G6PC2: variants seen among roughly 807,000 people sequenced by gnomAD.
G6PC2 encodes glucose-6-phosphatase catalytic subunit 2, also known as glucose-6-phosphatase 2.
G6PC2 carries 41 observed loss-of-function variants against 35.4 expected under a neutral mutation model. That is an observed-to-expected ratio of 1.16 (90% CI 0.90 to 1.50). G6PC2 has a LOEUF of 1.50. Among genes scored for constraint, G6PC2 ranks in the 40% most tolerant of loss-of-function variants. The pLI is 0.00. For missense variants in G6PC2, 441 were observed against 426.5 expected, an observed-to-expected ratio of 1.03 and a Z score of -0.30; for synonymous variants, 165 against 153.2, an observed-to-expected ratio of 1.08 and a Z score of -0.57.
At position 168,906,797 on chromosome 2, in the gene G6PC2, CCT is replaced by C; in HGVS notation, c.556+19_556+20del. The stretch of plus-strand genomic sequence containing the variant: ...AATTGGTGGTAAATATGATCACTTA[CCT>C]TTAGCTGTGTCCTTTGAAAGCTTTA... On this transcript the variant is annotated intron_variant, in intron 4 of 4. Coordinates refer to ENST00000375363, the MANE Select transcript of G6PC2 (RefSeq NM_021176.3). The C allele has an allele frequency of 8.9e-7, 1 of 1,128,362 alleles. No homozygotes were observed. The highest frequency in any genetic ancestry group is 1.4e-6 in the Non-Finnish European group (1 of 735,902). The allele number at this position is 1,128,362 out of a possible 1,614,324, so 69.9% of individuals were successfully genotyped here. A position where few individuals can be genotyped will look rare whatever the true frequency, so the allele number is the denominator to read the frequency against.
In G6PC2 at chr2:168,908,352, G is replaced by T; in HGVS notation, c.*273G>T. ...CTGATAGTATGACAACACAGAGCCTGCATCCCCAGCTGGAGACAACTGACC... is the reference window on the plus strand; with the variant it reads ...CTGATAGTATGACAACACAGAGCCTTCATCCCCAGCTGGAGACAACTGACC... On this transcript the variant is annotated 3_prime_UTR_variant, in exon 5 of 5. Transcript: ENST00000375363. 1 of 514,126 alleles carries T rather than the reference G, an allele frequency of 1.9e-6. No individual in the cohort carries two copies. Among genetic ancestry groups the T allele is most frequent in the Non-Finnish European group, 3.5e-6 (1 of 286,072 alleles). The allele number at this position is 514,126 out of a possible 1,614,324, so 31.8% of individuals were successfully genotyped here.
At chr2:168,902,267 C>T (rs956972068) in intron 1 of G6PC2, among the ~76,000 whole-genome samples, 178 bp from the exon 2 acceptor site, 1 of 152,236 alleles carries the variant, frequency 6.6e-6, no homozygotes, top group East Asian at 1.9e-4. Context: ...AAATGGCTAC[C>T]ACCTTTAATA....
At chr2:168,902,095 T>C (rs1190417063) in intron 1 of G6PC2, among the ~76,000 whole-genome samples, 2 of 152,202 alleles carry the variant, frequency 1.3e-5, no homozygotes, top group Non-Finnish European at 2.9e-5. Flanking sequence ...ACATATTCTG[T>C]GATTAAGAAT....
intron 2 of G6PC2, among the ~76,000 whole-genome samples, chr2:168,902,764 A>G (rs568604262): frequency 9.9e-5 from 15 of 152,258 alleles, no homozygotes; most frequent in Non-Finnish European, 1.8e-4. Context: ...GAAAGGGTAG[A>G]TTGGGAGAAA....
At chr2:168,906,413 A>G (rs984232220) in intron 3 of G6PC2, among the ~76,000 whole-genome samples, 1 of 152,216 alleles carries the variant, frequency 6.6e-6, no homozygotes, top group Non-Finnish European at 1.5e-5. Flanking sequence ...TTCCTTTTTA[A>G]CATTTATTAA....
intron 4 of G6PC2, among the ~76,000 whole-genome samples, 173 bp downstream of exon 4, chr2:168,906,952 A>G (rs1470113215): frequency 3.3e-5 from 5 of 152,196 alleles, no homozygotes; most frequent in Non-Finnish European, 7.3e-5. Context: ...CACCTCTCAT[A>G]GCCTCCATGT....
At chr2:168,901,695 G>A (rs530633250) in intron 1 of G6PC2, 146 bp downstream of exon 1, 3 of 633,486 alleles carry the variant, frequency 4.7e-6, no homozygotes, top group South Asian at 3.6e-5. Flanking sequence ...AGATTCATAA[G>A]TAGAACTTTT....
At chr2:168,902,340 ACC>A (rs1690615444) in intron 1 of G6PC2, 103 bp from the exon 2 acceptor site, 4 of 696,084 alleles carry the variant, frequency 5.7e-6, no homozygotes. Flanking sequence ...TTCACAATTA[ACC>A]CTGCGCTTGA....
rs1012998032 is a variant in G6PC2 at position 168,902,351 on chromosome 2, G to A, written c.219-94G>A. Reference sequence around the variant, plus strand: ...AACTTTCACAATTAACCCTGCGCTTGAGTCATTTTTTATAGGAAAGAATTG... The same window carrying A: ...AACTTTCACAATTAACCCTGCGCTTAAGTCATTTTTTATAGGAAAGAATTG... On this transcript the variant is annotated intron_variant, in intron 1 of 4. Coordinates refer to ENST00000375363, the MANE Select transcript of G6PC2 (RefSeq NM_021176.3). 8 of 716,174 alleles carry A rather than the reference G, an allele frequency of 1.1e-5. No individual in the cohort carries two copies. In the African/African-American group the frequency reaches 1.4e-4, roughly 13 times the overall value. The allele number at this position is 716,174 out of a possible 1,614,324, so 44.4% of individuals were successfully genotyped here.
Position 168,901,541 on chromosome 2 carries a change from A to G in G6PC2, c.210A>G (p.Ile70Met), listed in dbSNP as rs1255331944. ...TCATTGGGGATTGGTTAAATCTTATATTTAAATGGTAAGATTTCTGTTTTA... is the reference window on the plus strand; with the variant it reads ...TCATTGGGGATTGGTTAAATCTTATGTTTAAATGGTAAGATTTCTGTTTTA... ...VAVIGDWLNL[I>M]FKWILFGHRP... Residue 70 changes from isoleucine to methionine, a missense_variant, in exon 1 of 5, where the codon ATA becomes ATG. Physicochemically the swap from Ile to Met is conservative, Grantham distance 10. Transcript: ENST00000375363. 6.9e-7 allele frequency: 1 copy of G among 1,451,962 alleles called. No individual in the cohort carries two copies. Among genetic ancestry groups the G allele is most frequent in the Non-Finnish European group, 9.7e-7 (1 of 1,032,796 alleles). The allele number at this position is 1,451,962 out of a possible 1,614,324, so 89.9% of individuals were successfully genotyped here.
intron 4 of G6PC2, among the ~76,000 whole-genome samples, chr2:168,907,057 C>T (rs1336798654): frequency 6.6e-6 from 1 of 152,178 alleles, no homozygotes; most frequent in Non-Finnish European, 1.5e-5. Flanking sequence ...ACTCCCAAAC[C>T]ATCACTTCAG....
rs932289410 is a variant in G6PC2, at chr2:168,904,380, A to G, written c.329-125A>G. The G allele has an allele frequency of 3.9e-6, 3 of 766,844 alleles. No homozygotes were observed. The Admixed American group carries it at 5.1e-5, about 13-fold the overall frequency. The allele number at this position is 766,844 out of a possible 1,614,324, so 47.5% of individuals were successfully genotyped here. A position where few individuals can be genotyped will look rare whatever the true frequency, so the allele number is the denominator to read the frequency against. On this transcript the variant is annotated intron_variant, in intron 2 of 4. Transcript: ENST00000375363. The stretch of plus-strand genomic sequence containing the variant: ...CTACCCACTTCTAAACATTACATAT[A>G]GCCTGTGTCTTGTCTTTTTTTCTGA...
chr2:168,908,141 C>T lies in G6PC2; in HGVS notation c.*62C>T. The T allele has an allele frequency of 2.2e-6, 3 of 1,363,920 alleles. No homozygotes were observed. The highest frequency in any genetic ancestry group is 3.1e-6 in the Non-Finnish European group (3 of 955,674). 84.5% of individuals were successfully genotyped at this position (1,363,920 alleles called of 1,614,324 possible). ...ACCCTTCTCCATCCACCAGTAGAGCCACAGAGTAGGCACAGACCAGAGGCT... is the reference window on the plus strand; with the variant it reads ...ACCCTTCTCCATCCACCAGTAGAGCTACAGAGTAGGCACAGACCAGAGGCT... On this transcript the variant is annotated 3_prime_UTR_variant, in exon 5 of 5. Coordinates refer to ENST00000375363, the MANE Select transcript of G6PC2 (RefSeq NM_021176.3).
At chr2:168,906,802 A>G in intron 4 of G6PC2, 23 bp downstream of exon 4, 1 of 1,090,400 alleles carries the variant, frequency 9.2e-7, no homozygotes, top group Non-Finnish European at 1.4e-6. Context: ...ACTTACCTTT[A>G]GCTGTGTCCT....
chr2:168,906,085 A>AAAC (rs1690703655), intron 3 of G6PC2, among the ~76,000 whole-genome samples: 1 of 147,654 alleles, frequency 6.8e-6, no homozygotes, highest in Admixed American at 7.0e-5. Context: ...CAAAAAAAAA[A>AAAC]AAACAAACAA....
intron 2 of G6PC2, among the ~76,000 whole-genome samples, 162 bp downstream of exon 2, chr2:168,902,716 A>G (rs1160464267): frequency 6.6e-6 from 1 of 152,244 alleles, no homozygotes; most frequent in Non-Finnish European, 1.5e-5. Context: ...TGAGGAAGCA[A>G]AGCAAAAAAA....
At position 168,909,907 on chromosome 2, in the gene G6PC2, C is replaced by T. The variant is rs1328944239; in HGVS notation, c.*1828C>T. On this transcript the variant is annotated 3_prime_UTR_variant, in exon 5 of 5. Coordinates refer to ENST00000375363, the MANE Select transcript of G6PC2 (RefSeq NM_021176.3). ...CTCCTTTCCAAGTATATGTATAGAG[C>T]ATGTGTCATTGCTTTTATAAAACGC... is the stretch of plus-strand genomic sequence containing the variant. 6.6e-6 allele frequency: 1 copy of T among 152,164 alleles called. No individual in the cohort carries two copies. Among genetic ancestry groups the T allele is most frequent in the African/African-American group, 2.4e-5 (1 of 41,452 alleles). The allele number at this position is 152,164 out of a possible 1,614,324, so 9.4% of individuals were successfully genotyped here.
Position 168,904,559 on chromosome 2 carries a change from C to A in G6PC2, c.383C>A (p.Thr128Asn), listed in dbSNP as rs769151772. ...GASCVWYVMV[T>N]AALSHTVCGM... The stretch of plus-strand genomic sequence containing the variant: ...TCCTGTGTCTGGTATGTCATGGTAA[C>A]CGCTGCCCTGAGCCACACTGTCTGT... Residue 128 changes from threonine to asparagine, a missense_variant, in exon 3 of 5, where the codon ACC becomes AAC. By Grantham distance (65) the Thr-to-Asn change is moderately conservative. Transcript: ENST00000375363. 1 of 1,612,878 alleles carries A rather than the reference C, an allele frequency of 6.2e-7. No homozygotes were observed. Among genetic ancestry groups the A allele is most frequent in the Non-Finnish European group, 8.5e-7 (1 of 1,178,974 alleles).
chr2:168,907,971 T>A lies in G6PC2; in HGVS notation c.960T>A (p.Phe320Leu), dbSNP rs757689124. ...TCCCGACTCACGAAGAGCATTTATT[T>A]TATGTGCTGTCTTTTTGTAAAAGTG... ...LQIPTHEEHLFYVLSFCKSAS... is the reference protein window; with the variant it reads ...LQIPTHEEHLLYVLSFCKSAS... Residue 320 changes from phenylalanine to leucine, a missense_variant, in exon 5 of 5, where the codon TTT becomes TTA. Transcript: ENST00000375363. 3 of 1,614,048 alleles carry A rather than the reference T, an allele frequency of 1.9e-6. No homozygotes were observed. Among genetic ancestry groups the A allele is most frequent in the Non-Finnish European group, 2.5e-6 (3 of 1,179,884 alleles).
Sources: allele counts gnomAD v4.1 joint callset (sites outside exome capture counted in the v4.1 genomes callset), GRCh38; gene constraint gnomAD v4.1.1; transcripts MANE v1.5; gene names NCBI Gene and HGNC (gene_info 2026-07-23, HGNC 2026-07-21).